The following RHBDD1 variants were observed in gnomAD, a reference collection of about 807,000 sequenced individuals.
RHBDD1 encodes the protein rhomboid domain containing 1.
In RHBDD1, 38 loss-of-function variants were observed where a neutral mutation model predicts 36.3. The ratio of observed to expected loss-of-function variants is 1.05; its 90% confidence interval spans 0.81 to 1.37. RHBDD1 has a LOEUF of 1.37. Ranked by LOEUF, RHBDD1 falls within the 40% of genes most tolerant of loss-of-function variation. RHBDD1 has a pLI of 0.00. For synonymous variants in RHBDD1, 151 were observed against 136.5 expected, an observed-to-expected ratio of 1.11 and a Z score of -0.74; for missense variants, 393 against 377.6, an observed-to-expected ratio of 1.04 and a Z score of -0.34.
Position 226,917,484 on chromosome 2 carries a change from T to A in RHBDD1, c.856+3133T>A, listed in dbSNP as rs189111069. Among the ~76,000 whole-genome samples, 832 of 152,260 alleles carry A rather than the reference T, an allele frequency of 5.5e-3. 7 individuals are homozygous for A. The highest frequency in any genetic ancestry group is 0.019 in the African/African-American group (790 of 41,570). On this transcript the variant is annotated intron_variant, in intron 8 of 8. Transcript: ENST00000392062. ...TTGGTGAGAAGAGTATTTCTGGGAT[T>A]ATTTTGAAGCCAAGGGTTTTGTTTC... is the stretch of plus-strand genomic sequence containing the variant.
At chr2:226,895,308 C>T (rs546774919) in intron 5 of RHBDD1, among the ~76,000 whole-genome samples, 18 of 152,296 alleles carry the variant, frequency 1.2e-4, no homozygotes, top group African/African-American at 4.3e-4. Context: ...TTTCTGAGCT[C>T]TCCTGCTGCC....
chr2:226,927,241 G>GT (rs1949721646), intron 8 of RHBDD1, among the ~76,000 whole-genome samples: 1 of 151,932 alleles, frequency 6.6e-6, no homozygotes, highest in Non-Finnish European at 1.5e-5. Flanking sequence ...CCTGAGCAAA[G>GT]TTTATTTGTT....
chr2:226,847,720 G>A (rs1421934545), intron 3 of RHBDD1, among the ~76,000 whole-genome samples: 2 of 152,202 alleles, frequency 1.3e-5, no homozygotes, highest in Non-Finnish European at 2.9e-5. Context: ...ATCTGCAAAC[G>A]TCATTCTACA....
chr2:226,853,129 G>A (rs1001112505), intron 3 of RHBDD1, among the ~76,000 whole-genome samples: 2 of 151,970 alleles, frequency 1.3e-5, no homozygotes, highest in Non-Finnish European at 2.9e-5. Flanking sequence ...TATTACAGAT[G>A]GATGTTGAGC....
chr2:226,889,786 T>G (rs1488864270), intron 5 of RHBDD1, among the ~76,000 whole-genome samples: 3 of 152,218 alleles, frequency 2.0e-5, no homozygotes, highest in Non-Finnish European at 4.4e-5. Context: ...GATGAAGTAC[T>G]GGGAATGGTT....
At chr2:226,824,682 C>T in the RHBDD1 span, among the ~76,000 whole-genome samples, 4 of 152,216 alleles carry the variant, frequency 2.6e-5, no homozygotes, top group Admixed American at 2.6e-4. Context: ...AATTTTTCAA[C>T]TGTGTCTTTT....
chr2:226,801,006 C>T, the RHBDD1 span, among the ~76,000 whole-genome samples: 1 of 152,236 alleles, frequency 6.6e-6, no homozygotes, highest in Non-Finnish European at 1.5e-5. Context: ...AGCAGTTTGT[C>T]CCTGCTTGCT....
chr2:226,892,865 G>A (rs900674899), intron 5 of RHBDD1, among the ~76,000 whole-genome samples: 8 of 152,054 alleles, frequency 5.3e-5, no homozygotes, highest in Admixed American at 5.2e-4. Flanking sequence ...CCAATGTCAG[G>A]ACCTTACCCC....
chr2:226,955,129 A>C (rs1166182009), intron 8 of RHBDD1, among the ~76,000 whole-genome samples: 1 of 151,934 alleles, frequency 6.6e-6, no homozygotes, highest in Non-Finnish European at 1.5e-5. Flanking sequence ...GGGGGCTGTG[A>C]GCTCTTCTTT....
Position 226,908,675 on chromosome 2 carries a change from C to G in RHBDD1, c.656-147C>G. ...CTCTTTTCCAGTTAGGGCTGGCCCC[C>G]AAACAAAAGGGAGTTTATTTTAATA... On this transcript the variant is annotated intron_variant, in intron 6 of 8. Transcript: ENST00000392062. 8 of 658,208 alleles carry G rather than the reference C, an allele frequency of 1.2e-5. No homozygotes were observed. The South Asian group carries it at 1.5e-4, about 12-fold the overall frequency. 40.8% of individuals were successfully genotyped at this position (658,208 alleles called of 1,614,324 possible).
chr2:226,891,456 A>T lies in RHBDD1; in HGVS notation c.567-15337A>T, dbSNP rs1454838392. On this transcript the variant is annotated intron_variant, in intron 5 of 8. Coordinates refer to ENST00000392062, the MANE Select transcript of RHBDD1 (RefSeq NM_001167608.3). ...CATAGAAGTGACTTGTATTCTGTTG[A>T]TTAGAAACAATTCACAGGTTCCACC... 2.0e-5 allele frequency among the ~76,000 whole-genome samples: 3 copies of T among 152,210 alleles called. No individual in the cohort carries two copies. The East Asian group carries it at 5.8e-4, about 29-fold the overall frequency.
chr2:226,921,796 A>G (rs1163219586), intron 8 of RHBDD1, among the ~76,000 whole-genome samples: 1 of 152,160 alleles, frequency 6.6e-6, no homozygotes, highest in Non-Finnish European at 1.5e-5. Flanking sequence ...TGAGGAAAAG[A>G]ATGTGTGTTC....
intron 8 of RHBDD1, among the ~76,000 whole-genome samples, chr2:226,960,225 C>G (rs1952092195): frequency 1.3e-5 from 2 of 152,200 alleles, no homozygotes; most frequent in South Asian, 4.1e-4. Context: ...CCCTATCCTC[C>G]CCAACACTTG....
At chr2:226,989,895 A>G (rs1957795660) in intron 8 of RHBDD1, among the ~76,000 whole-genome samples, 1 of 152,176 alleles carries the variant, frequency 6.6e-6, no homozygotes, top group African/African-American at 2.4e-5. Context: ...CTCCATTTCA[A>G]GGCTTCTTGT....
chr2:226,922,502 C>T (rs1949397075), intron 8 of RHBDD1, among the ~76,000 whole-genome samples: 1 of 152,140 alleles, frequency 6.6e-6, no homozygotes, highest in South Asian at 2.1e-4. Context: ...CCACTGTGCC[C>T]AGCCTCTATA....
chr2:226,888,942 A>G (rs904937891), intron 5 of RHBDD1, among the ~76,000 whole-genome samples: 2 of 152,208 alleles, frequency 1.3e-5, no homozygotes, highest in Admixed American at 1.3e-4. Flanking sequence ...TGCCACAGAG[A>G]GGGTTGTAGT....
At chr2:226,943,034 G>A (rs1047721046) in intron 8 of RHBDD1, among the ~76,000 whole-genome samples, 3 of 152,120 alleles carry the variant, frequency 2.0e-5, no homozygotes, top group Admixed American at 6.6e-5. Context: ...TTGTGTTGCT[G>A]GTGAGAAAAA....
chr2:226,939,007 A>G (rs1276799688), intron 8 of RHBDD1, among the ~76,000 whole-genome samples: 2 of 152,164 alleles, frequency 1.3e-5, no homozygotes, highest in Non-Finnish European at 2.9e-5. Flanking sequence ...TCATCACACA[A>G]ACAGAACTAA....
chr2:226,897,301 G>GGTGT (rs1206046175), intron 5 of RHBDD1, among the ~76,000 whole-genome samples: 1 of 124,916 alleles, frequency 8.0e-6, no homozygotes, highest in African/African-American at 3.4e-5. Flanking sequence ...AACAGTTTGA[G>GGTGT]GTGTGTGTGT....
Sources: gnomAD v4.1 joint callset for allele counts (sites outside exome capture counted in the v4.1 genomes callset) on GRCh38, gnomAD v4.1.1 for gene constraint, MANE v1.5 for transcripts, NCBI Gene and HGNC (gene_info 2026-07-23, HGNC 2026-07-21) for gene names.